GRM3: variants seen among roughly 807,000 people sequenced by gnomAD.
The protein encoded by GRM3 is metabotropic glutamate receptor 3.
Under a neutral mutation model 70.5 loss-of-function variants are expected in GRM3, and 26 were observed. The ratio of observed to expected loss-of-function variants is 0.37; its 90% confidence interval spans 0.27 to 0.51. The LOEUF (loss-of-function observed/expected upper bound fraction) is 0.51, where lower values mean the gene tolerates loss of function less well. Ranked by LOEUF, GRM3 falls within the 20% of genes least tolerant of loss-of-function variation. The probability of loss-of-function intolerance (pLI) is 0.93; values close to 1 mark genes in which losing one functional copy is unlikely to be tolerated. For synonymous variants in GRM3, 443 were observed against 434.9 expected (o/e 1.02, Z -0.23); for missense variants, 859 against 1,123.8 (o/e 0.76, Z 3.37).
chr7:86,690,583 A>G (rs1287804466), intron 1 of GRM3, among the ~76,000 whole-genome samples: 1 of 152,040 alleles, frequency 6.6e-6, no homozygotes, highest in African/African-American at 2.4e-5. Flanking sequence ...TTACTTATGT[A>G]TTGTGTATAA....
intron 2 of GRM3, among the ~76,000 whole-genome samples, chr7:86,780,215 G>A (rs1400798501): frequency 6.6e-6 from 1 of 152,176 alleles, no homozygotes; most frequent in Non-Finnish European, 1.5e-5. Context: ...GCAGCATGAT[G>A]TGTAATTCTT....
intron 1 of GRM3, among the ~76,000 whole-genome samples, chr7:86,658,070 G>T (rs1416200694): frequency 6.6e-6 from 1 of 152,050 alleles, no homozygotes; most frequent in Admixed American, 6.6e-5. Flanking sequence ...TTTCTATGTG[G>T]CTATTATTTG....
intron 1 of GRM3, among the ~76,000 whole-genome samples, chr7:86,697,801 G>C (rs77492955): frequency 0.013 from 2,049 of 152,124 alleles, 38 homozygotes; most frequent in African/African-American, 0.047. Flanking sequence ...CCTCCCTGGT[G>C]TTCTAAAGCT....
At chr7:86,716,013 C>T (rs574984584) in intron 1 of GRM3, among the ~76,000 whole-genome samples, 12 of 152,100 alleles carry the variant, frequency 7.9e-5, no homozygotes, top group East Asian at 3.9e-4. Flanking sequence ...CAACCACCTA[C>T]GTGGTACTTT....
chr7:86,733,343 A>G (rs1795782708), intron 1 of GRM3, among the ~76,000 whole-genome samples: 1 of 151,484 alleles, frequency 6.6e-6, no homozygotes, highest in Non-Finnish European at 1.5e-5. Flanking sequence ...TGGCTGAGAT[A>G]TAGAAGCTCT....
chr7:86,666,636 C>T (rs1349855696), intron 1 of GRM3, among the ~76,000 whole-genome samples: 2 of 151,678 alleles, frequency 1.3e-5, no homozygotes, highest in African/African-American at 2.4e-5. Context: ...AGTTTCAGAA[C>T]GCTTTTTTTT....
At chr7:86,745,879 T>C (rs1409899929) in intron 1 of GRM3, among the ~76,000 whole-genome samples, 1 of 152,092 alleles carries the variant, frequency 6.6e-6, no homozygotes, top group African/African-American at 2.4e-5. Flanking sequence ...AAGACAGATG[T>C]AGTCTCATTC....
At chr7:86,676,383 A>C (rs7806940) in intron 1 of GRM3, among the ~76,000 whole-genome samples, 2 of 151,858 alleles carry the variant, frequency 1.3e-5, no homozygotes, top group East Asian at 3.9e-4. Flanking sequence ...CTATACTAAC[A>C]AAAAAATTAA....
chr7:86,652,946 ACTT>A (rs1793643357), intron 1 of GRM3, among the ~76,000 whole-genome samples: 1 of 152,160 alleles, frequency 6.6e-6, no homozygotes, highest in Non-Finnish European at 1.5e-5. Context: ...TAGTAAGTAA[ACTT>A]CTGATTATTC....
At chr7:86,848,469 G>T (rs998797861) in intron 4 of GRM3, among the ~76,000 whole-genome samples, 6 of 152,138 alleles carry the variant, frequency 3.9e-5, no homozygotes, top group African/African-American at 1.4e-4. Flanking sequence ...AAGATGACTA[G>T]AGGGCGTTTT....
intron 1 of GRM3, among the ~76,000 whole-genome samples, chr7:86,658,218 C>A (rs1793796615): frequency 6.6e-6 from 1 of 152,220 alleles, no homozygotes; most frequent in Non-Finnish European, 1.5e-5. Context: ...CCAAAATTAT[C>A]TTTAAGAAAT....
chr7:86,669,583 A>G (rs370565351), intron 1 of GRM3, among the ~76,000 whole-genome samples: 10 of 152,310 alleles, frequency 6.6e-5, no homozygotes, highest in East Asian at 3.9e-4. Context: ...TTGTAGAAGT[A>G]TTATTTTGTT....
At chr7:86,838,364 A>G (rs1798497895) in intron 3 of GRM3, among the ~76,000 whole-genome samples, 1 of 152,188 alleles carries the variant, frequency 6.6e-6, no homozygotes, top group Non-Finnish European at 1.5e-5. Flanking sequence ...AATGCAAAAA[A>G]TGTTCTTTAT....
chr7:86,674,404 T>C (rs1794250621), intron 1 of GRM3, among the ~76,000 whole-genome samples: 1 of 152,106 alleles, frequency 6.6e-6, no homozygotes, highest in African/African-American at 2.4e-5. Context: ...TGATCTAGTT[T>C]CTGAAGTTAT....
At chr7:86,657,194 A>G (rs1405882854) in intron 1 of GRM3, among the ~76,000 whole-genome samples, 1 of 152,234 alleles carries the variant, frequency 6.6e-6, no homozygotes, top group Non-Finnish European at 1.5e-5. Context: ...AGCATCTGCT[A>G]CTTTCAAGGC....
rs1381232568 is a variant in GRM3, at chr7:86,792,555, C to A, written c.1324+5439C>A. Among the ~76,000 whole-genome samples the A allele has an allele frequency of 3.3e-5, 5 of 152,186 alleles. No homozygotes were observed. In the East Asian group the frequency reaches 9.6e-4, roughly 29 times the overall value. ...GAACTTGACACAAAAGAAAATTCAT[C>A]CAAGTTCACATAATGAATAGGTGAC... On this transcript the variant is annotated intron_variant, in intron 3 of 5. Transcript: ENST00000361669.
intron 1 of GRM3, among the ~76,000 whole-genome samples, chr7:86,734,805 A>G (rs1795817494): frequency 6.6e-6 from 1 of 151,874 alleles, no homozygotes; most frequent in Non-Finnish European, 1.5e-5. Flanking sequence ...TCCCCTCCTC[A>G]TCCTCCTCTA....
chr7:86,696,823 C>A (rs1295391135), intron 1 of GRM3, among the ~76,000 whole-genome samples: 1 of 152,116 alleles, frequency 6.6e-6, no homozygotes. Flanking sequence ...TATGAGGGAA[C>A]CTCTCTTAAA....
intron 1 of GRM3, among the ~76,000 whole-genome samples, chr7:86,663,010 T>A (rs144572370): frequency 1.1e-3 from 165 of 152,114 alleles, no homozygotes; most frequent in South Asian, 1.7e-3. Context: ...TAAAGAAATA[T>A]ATCTTAATAC....
Sources: allele counts gnomAD v4.1 joint callset (sites outside exome capture counted in the v4.1 genomes callset), GRCh38; gene constraint gnomAD v4.1.1; transcripts MANE v1.5; gene names NCBI Gene and HGNC (gene_info 2026-07-23, HGNC 2026-07-21).